The following ANKRD28 variants were observed in gnomAD, a reference collection of about 807,000 sequenced individuals.
The protein encoded by ANKRD28 is serine/threonine-protein phosphatase 6 regulatory ankyrin repeat subunit A.
Under a neutral mutation model 126.5 loss-of-function variants are expected in ANKRD28, and 44 were observed. That is an observed-to-expected ratio of 0.35 (90% confidence interval 0.27 to 0.45). The LOEUF is 0.45. Ranked by LOEUF, ANKRD28 falls within the 20% of genes least tolerant of loss-of-function variation. The pLI is 1.00. For synonymous variants in ANKRD28, 442 were observed against 468.5 expected (o/e 0.94, Z 0.73); for missense variants, 1,110 against 1,316.6 (o/e 0.84, Z 2.43).
chr3:15,762,764 TA>T (rs978562709), intron 3 of ANKRD28, among the ~76,000 whole-genome samples: 4 of 151,210 alleles, frequency 2.6e-5, no homozygotes, highest in Admixed American at 1.3e-4. Context: ...AAATGCTCCT[TA>T]AAAAAAAATA....
At position 15,704,160 on chromosome 3, in the gene ANKRD28, C is replaced by T. The variant is rs201019998; in HGVS notation, c.1547+3764G>A. ...TTTCACATATTTAATATGTTCATTG[C>T]GATAGCAGCCATATATTTGTTTGCT... On this transcript the variant is annotated intron_variant, in intron 14 of 27. Transcript: ENST00000683139. 2.0e-4 allele frequency among the ~76,000 whole-genome samples: 30 copies of T among 152,070 alleles called. No individual in the cohort carries two copies. In the East Asian group the frequency reaches 4.4e-3, roughly 23 times the overall value.
In ANKRD28 at chr3:15,713,612, C is replaced by T; in HGVS notation, c.1105G>A (p.Gly369Arg). Residue 369 changes from glycine (G) to arginine (R), a missense_variant, in exon 10 of 28, where the codon GGA (glycine) becomes AGA (arginine). Gly to Arg is a moderately radical substitution (Grantham distance 125). Coordinates refer to ENST00000683139, the MANE Select transcript of ANKRD28 (RefSeq NM_001349278.2). Reference sequence around the variant, plus strand: ...GCTGCTATGTGCAAAGGGGTATTTCCATTCTTATCCTCACAGTCGATTACA... The same window carrying T: ...GCTGCTATGTGCAAAGGGGTATTTCTATTCTTATCCTCACAGTCGATTACA... The part of the protein sequence containing the change: ...GAVIDCEDKN[G>R]NTPLHIAARY... 1.2e-6 allele frequency: 2 copies of T among 1,608,700 alleles called. No individual in the cohort carries two copies. Among genetic ancestry groups the T allele is most frequent in the South Asian group, 1.1e-5 (1 of 90,124 alleles).
intron 7 of ANKRD28, among the ~76,000 whole-genome samples, chr3:15,723,209 G>T (rs948720424): frequency 1.3e-5 from 2 of 152,170 alleles, no homozygotes; most frequent in African/African-American, 4.8e-5. Flanking sequence ...ACGTCTTCTT[G>T]TGATCCTCAC....
chr3:15,679,277 T>C, intron 23 of ANKRD28, 24 bp downstream of exon 23: 2 of 1,610,120 alleles, frequency 1.2e-6, no homozygotes, highest in Non-Finnish European at 1.7e-6. Context: ...GCTAAAACTA[T>C]TTAATACATA....
chr3:15,709,087 CAAT>C (rs1244546922), intron 13 of ANKRD28, among the ~76,000 whole-genome samples: 1 of 152,176 alleles, frequency 6.6e-6, no homozygotes, highest in Non-Finnish European at 1.5e-5. Flanking sequence ...AAATACTCAA[CAAT>C]GAGGCCTGCT....
chr3:15,670,258 C>T lies in ANKRD28; in HGVS notation c.*12G>A. The stretch of plus-strand genomic sequence containing the variant: ...GAAGCTTTACTGTGAGAACTCCCTC[C>T]TCCTCAGCCTCTCAGTAGGTCTCAG... On this transcript the variant is annotated 3_prime_UTR_variant, in exon 28 of 28. Transcript: ENST00000683139. The T allele has an allele frequency of 2.5e-6, 4 of 1,608,664 alleles. No individual in the cohort carries two copies. Among genetic ancestry groups the T allele is most frequent in the Non-Finnish European group, 3.4e-6 (4 of 1,175,484 alleles).
chr3:15,668,904 A>G lies in ANKRD28; in HGVS notation c.*1366T>C, dbSNP rs1412704444. ...TGTTGCAATTTATAGAACTTTACCC[A>G]TACCTGTAAGACCCTCAATGTATAT... On this transcript the variant is annotated 3_prime_UTR_variant, in exon 28 of 28. Coordinates refer to ENST00000683139, the MANE Select transcript of ANKRD28 (RefSeq NM_001349278.2). The G allele has an allele frequency of 6.6e-6, 1 of 152,668 alleles. No individual in the cohort carries two copies. The highest frequency in any genetic ancestry group is 1.5e-5 in the Non-Finnish European group (1 of 68,040). 9.5% of individuals were successfully genotyped at this position (152,668 alleles called of 1,614,324 possible). A position where few individuals can be genotyped will look rare whatever the true frequency, so the allele number is the denominator to read the frequency against.
intron 1 of ANKRD28, among the ~76,000 whole-genome samples, chr3:15,825,476 C>T (rs2881211): frequency 0.83 from 125,747 of 152,116 alleles, 52,158 homozygotes; most frequent in East Asian, 0.93. Context: ...GGGAGGAAGG[C>T]TGAACTGCAC....
At chr3:15,732,228 A>G (rs2074686024) in intron 6 of ANKRD28, 1 of 152,304 alleles carries the variant, frequency 6.6e-6, no homozygotes, top group Non-Finnish European at 1.5e-5. Flanking sequence ...ATCACTCCAC[A>G]GTCTGAAAGG....
At chr3:15,741,894 G>A (rs1488187361) in intron 4 of ANKRD28, among the ~76,000 whole-genome samples, 1 of 151,748 alleles carries the variant, frequency 6.6e-6, no homozygotes, top group African/African-American at 2.4e-5. Flanking sequence ...GCGCCACCAC[G>A]CCTGACTGGT....
intron 4 of ANKRD28, among the ~76,000 whole-genome samples, chr3:15,743,137 T>C (rs2057217090): frequency 1.3e-5 from 2 of 151,824 alleles, no homozygotes; most frequent in Non-Finnish European, 2.9e-5. Context: ...GGATTAAGGG[T>C]GGTGCAAGAT....
chr3:15,676,310 T>C (rs949328406), intron 26 of ANKRD28: 8 of 218,166 alleles, frequency 3.7e-5, no homozygotes, highest in Non-Finnish European at 6.3e-5. Context: ...ATTCCTCCGT[T>C]GTTAAGGAAT....
At chr3:15,834,107 T>G (rs2061269558) in intron 1 of ANKRD28, among the ~76,000 whole-genome samples, 1 of 152,166 alleles carries the variant, frequency 6.6e-6, no homozygotes, top group Non-Finnish European at 1.5e-5. Flanking sequence ...TGTATTTTTG[T>G]TTTTGAGGAC....
At chr3:15,763,612 G>C (rs372188978) in intron 3 of ANKRD28, among the ~76,000 whole-genome samples, 1 of 152,150 alleles carries the variant, frequency 6.6e-6, no homozygotes, top group Admixed American at 6.5e-5. Flanking sequence ...TTGATGATGC[G>C]ACATCTGAGC....
At position 15,846,329 on chromosome 3, in the gene ANKRD28, A is replaced by C. The variant is rs537430982; in HGVS notation, c.27+13048T>G. On this transcript the variant is annotated intron_variant, in intron 1 of 27. Transcript: ENST00000399451. This position sits in a 1 kb window ranked among gnomAD's most constrained non-coding sequence, Gnocchi z 5.4. ...AAGTCTGAAACCCAGCAAGGCAGTCATTAAATCTTAAAGCTCCAAAATAAT... is the reference window on the plus strand; with the variant it reads ...AAGTCTGAAACCCAGCAAGGCAGTCCTTAAATCTTAAAGCTCCAAAATAAT... Among the ~76,000 whole-genome samples the C allele has an allele frequency of 2.7e-4, 41 of 152,376 alleles. No individual in the cohort carries two copies. The highest frequency in any genetic ancestry group is 7.5e-4 in the African/African-American group (31 of 41,592).
chr3:15,713,487 C>T, intron 10 of ANKRD28, 40 bp downstream of exon 10: 1 of 1,505,132 alleles, frequency 6.6e-7, no homozygotes, highest in Non-Finnish European at 9.2e-7. Flanking sequence ...TCCCTTTGTG[C>T]TTGCCTGTAT....
Position 15,833,531 on chromosome 3 carries a change from T to C in ANKRD28, c.27+25846A>G, listed in dbSNP as rs1240069930. Among the ~76,000 whole-genome samples the C allele has an allele frequency of 6.7e-6, 1 of 148,630 alleles. No homozygotes were observed. The highest frequency in any genetic ancestry group is 1.9e-4 in the East Asian group (1 of 5,152). ...TTATGTACTATATATATATAAAATA[T>C]ATACATTATTTTTTATATATATAAT... On this transcript the variant is annotated intron_variant, in intron 1 of 27. Transcript: ENST00000399451. This position sits in a 1 kb window ranked among gnomAD's most constrained non-coding sequence, Gnocchi z 4.4.
At chr3:15,831,739 T>C (rs1025614901) in intron 1 of ANKRD28, among the ~76,000 whole-genome samples, 8 of 152,158 alleles carry the variant, frequency 5.3e-5, no homozygotes, top group African/African-American at 1.9e-4. Flanking sequence ...AATTGCACAT[T>C]CTGAGTTCTA....
intron 6 of ANKRD28, among the ~76,000 whole-genome samples, chr3:15,728,463 T>C (rs982482782): frequency 6.6e-6 from 1 of 152,162 alleles, no homozygotes; most frequent in African/African-American, 2.4e-5. Context: ...TGGGCTAATC[T>C]TTAAATTTTT....
Sources: gnomAD v4.1 joint callset for allele counts (sites outside exome capture counted in the v4.1 genomes callset) on GRCh38, gnomAD v4.1.1 for gene constraint, Gnocchi (gnomAD v3.1) non-coding constraint, MANE v1.5 for transcripts, NCBI Gene and HGNC (gene_info 2026-07-23, HGNC 2026-07-21) for gene names.